GNAQ: variants seen among roughly 807,000 people sequenced by gnomAD.
GNAQ encodes the protein guanine nucleotide-binding protein G(q) subunit alpha.
Under a neutral mutation model 43.9 loss-of-function variants are expected in GNAQ, and 8 were observed. The ratio of observed to expected loss-of-function variants is 0.18; its 90% CI spans 0.11 to 0.33. The LOEUF (loss-of-function observed/expected upper bound fraction) is 0.33, where lower values mean the gene tolerates loss of function less well. GNAQ is among the 10% of genes least tolerant of loss of function. GNAQ has a pLI of 1.00. For synonymous variants in GNAQ, 155 were observed against 170.7 expected (o/e 0.91, Z 0.71); for missense variants, 158 against 450.8 (o/e 0.35, Z 5.88).
chr9:77,926,810 AATACCCAGAAATGAG>A (rs777036507), intron 1 of GNAQ, among the ~76,000 whole-genome samples: 51 of 152,254 alleles, frequency 3.3e-4, no homozygotes, highest in Admixed American at 7.8e-4. Context: ...AGCTCATCTA[AATACCCAGAAATGAG>A]ATTACCCAGA....
intron 2 of GNAQ, among the ~76,000 whole-genome samples, chr9:77,819,336 A>G (rs1220453070): frequency 1.3e-5 from 2 of 152,148 alleles, no homozygotes; most frequent in Non-Finnish European, 2.9e-5. Flanking sequence ...CGATGTGTTG[A>G]TGTTTCCATG....
chr9:77,857,314 T>C (rs1364131495), intron 2 of GNAQ, among the ~76,000 whole-genome samples: 1 of 152,220 alleles, frequency 6.6e-6, no homozygotes, highest in African/African-American at 2.4e-5. Context: ...CTACATCTCT[T>C]AGCTTTGTTA....
At chr9:77,762,286 C>T (rs201457249) in intron 5 of GNAQ, among the ~76,000 whole-genome samples, 11 of 143,910 alleles carry the variant, frequency 7.6e-5, no homozygotes, top group East Asian at 2.2e-4. Flanking sequence ...CCGCCCCGTC[C>T]GGGAGGGAGG....
At chr9:77,989,067 C>T (rs1823477115) in intron 1 of GNAQ, among the ~76,000 whole-genome samples, 1 of 152,106 alleles carries the variant, frequency 6.6e-6, no homozygotes, top group Non-Finnish European at 1.5e-5. Flanking sequence ...AAATTCTCTG[C>T]TGGCAAAACT....
At chr9:77,766,306 TTC>T (rs1472013548) in intron 5 of GNAQ, among the ~76,000 whole-genome samples, 3 of 152,250 alleles carry the variant, frequency 2.0e-5, no homozygotes, top group Non-Finnish European at 4.4e-5. Flanking sequence ...TTCATCAACA[TTC>T]TGTTTCAACG....
intron 1 of GNAQ, among the ~76,000 whole-genome samples, chr9:77,992,605 T>C (rs1268591017): frequency 6.6e-6 from 1 of 152,132 alleles, no homozygotes; most frequent in East Asian, 1.9e-4. Context: ...TGAAATAACT[T>C]AGTTTTTCTA....
intron 5 of GNAQ, among the ~76,000 whole-genome samples, chr9:77,737,585 T>C (rs1361003291): frequency 2.0e-5 from 3 of 152,222 alleles, no homozygotes; most frequent in Admixed American, 6.5e-5. Context: ...CAATAACTTA[T>C]TCAGCATCCC....
intron 5 of GNAQ, among the ~76,000 whole-genome samples, chr9:77,742,489 T>C (rs935369422): frequency 3.3e-5 from 5 of 152,160 alleles, no homozygotes; most frequent in Non-Finnish European, 7.4e-5. Flanking sequence ...TAAGAAAAGT[T>C]TGCAGAATAA....
intron 5 of GNAQ, among the ~76,000 whole-genome samples, chr9:77,775,103 C>A (rs1300669999): frequency 6.6e-6 from 1 of 152,078 alleles, no homozygotes; most frequent in Non-Finnish European, 1.5e-5. Flanking sequence ...ATTAATTATA[C>A]ATCTATATTA....
chr9:77,862,593 C>T (rs1827872785), intron 2 of GNAQ, among the ~76,000 whole-genome samples: 1 of 152,144 alleles, frequency 6.6e-6, no homozygotes, highest in African/African-American at 2.4e-5. Context: ...GGGCCAGGCC[C>T]ATGGAACCAT....
intron 1 of GNAQ, among the ~76,000 whole-genome samples, chr9:77,995,062 C>T (rs1184285019): frequency 6.6e-6 from 1 of 152,090 alleles, no homozygotes; most frequent in African/African-American, 2.4e-5. Context: ...CTCATATTAC[C>T]CTATTACAGT....
rs1827052716 is a variant in GNAQ, at chr9:77,818,217, TCTAAGTCACTTTTAC to T, written c.322-2462_322-2448del. On this transcript the variant is annotated intron_variant, in intron 2 of 6. Coordinates refer to ENST00000286548, the MANE Select transcript of GNAQ (RefSeq NM_002072.5). ...TGTTGCCTTCACCTAGGTTGGAATTTCTAAGTCACTTTTACTGCCTCCTAAGCTTTGTTGTTTCAT... is the reference window on the plus strand; with the variant it reads ...TGTTGCCTTCACCTAGGTTGGAATTTTGCCTCCTAAGCTTTGTTGTTTCAT... Among the ~76,000 whole-genome samples the T allele has an allele frequency of 3.3e-5, 5 of 152,170 alleles. No individual in the cohort carries two copies. The South Asian group carries it at 1.0e-3, about 32-fold the overall frequency.
chr9:77,878,198 C>T (rs563667436), intron 2 of GNAQ, among the ~76,000 whole-genome samples: 12 of 149,528 alleles, frequency 8.0e-5, no homozygotes, highest in East Asian at 2.0e-4. Context: ...GTAGGAGTTA[C>T]GCAAAAAAGT....
intron 1 of GNAQ, among the ~76,000 whole-genome samples, chr9:77,937,823 C>T (rs559177183): frequency 5.9e-5 from 9 of 152,148 alleles, no homozygotes; most frequent in South Asian, 2.1e-4. Context: ...ACCTGGGAGG[C>T]GGAGGTTGCG....
At chr9:77,994,784 A>G (rs1182835628) in intron 1 of GNAQ, among the ~76,000 whole-genome samples, 2 of 152,170 alleles carry the variant, frequency 1.3e-5, no homozygotes, top group African/African-American at 4.8e-5. Context: ...CTAAACCTCT[A>G]CTTGAAAATT....
chr9:77,795,612 T>C lies in GNAQ; in HGVS notation c.606-1020A>G, dbSNP rs185211556. Among the ~76,000 whole-genome samples, 181 of 152,270 alleles carry C rather than the reference T, an allele frequency of 1.2e-3. 3 individuals are homozygous for C. The highest frequency in any genetic ancestry group is 2.8e-4 in the Non-Finnish European group (19 of 68,022). On this transcript the variant is annotated intron_variant, in intron 4 of 6. Transcript: ENST00000286548. ...TCTTCTAAGTCACTACTCGTAAGCC[T>C]AGTAAGGCACAGGAGAGAGATCTAA...
chr9:77,923,929 T>C (rs1010993283), intron 1 of GNAQ, among the ~76,000 whole-genome samples: 5 of 152,204 alleles, frequency 3.3e-5, no homozygotes, highest in African/African-American at 9.6e-5. Flanking sequence ...ACTATCTTTA[T>C]AAACAATCAC....
intron 2 of GNAQ, among the ~76,000 whole-genome samples, chr9:77,882,310 A>C (rs1036113696): frequency 6.6e-6 from 1 of 152,208 alleles, no homozygotes; most frequent in Admixed American, 6.5e-5. Context: ...GGAGATGAGA[A>C]TTACTGTTCC....
chr9:77,895,472 G>A (rs1269110021), intron 2 of GNAQ, among the ~76,000 whole-genome samples: 1 of 152,168 alleles, frequency 6.6e-6, no homozygotes, highest in African/African-American at 2.4e-5. Flanking sequence ...TAGTTACACA[G>A]ATGGTTAGAG....
Sources: gnomAD v4.1 joint callset for allele counts (sites outside exome capture counted in the v4.1 genomes callset) on GRCh38, gnomAD v4.1.1 for gene constraint, MANE v1.5 for transcripts, NCBI Gene and HGNC (gene_info 2026-07-23, HGNC 2026-07-21) for gene names.